The following ROBO2 variants were observed in gnomAD, a reference collection of about 807,000 sequenced individuals.
ROBO2 encodes roundabout guidance receptor 2.
ROBO2 carries 53 observed loss-of-function variants against 160.8 expected under a neutral mutation model. That is an observed-to-expected ratio of 0.33 (90% CI 0.26 to 0.41). The LOEUF is 0.41. ROBO2 is among the 10% of genes least tolerant of loss of function. ROBO2 has a pLI of 1.00. For synonymous variants in ROBO2, 664 were observed against 611.7 expected (o/e 1.09, Z -1.26); for missense variants, 1,577 against 1,722.4 (o/e 0.92, Z 1.49).
chr3:76,705,609 G>A (rs2093144500), intron 2 of ROBO2, among the ~76,000 whole-genome samples: 1 of 152,030 alleles, frequency 6.6e-6, no homozygotes, highest in South Asian at 2.1e-4. Context: ...AAACTAAAAT[G>A]CAAAATATTT....
intron 2 of ROBO2, among the ~76,000 whole-genome samples, chr3:76,660,261 G>T (rs2110040331): frequency 6.6e-6 from 1 of 152,280 alleles, no homozygotes; most frequent in African/African-American, 2.4e-5. Flanking sequence ...ATGTTTGCAA[G>T]AGATTAGAAA....
intron 2 of ROBO2, among the ~76,000 whole-genome samples, chr3:76,315,360 T>C (rs752974452): frequency 6.6e-6 from 1 of 152,238 alleles, no homozygotes; most frequent in Non-Finnish European, 1.5e-5. Flanking sequence ...AGTTATCTAA[T>C]ATATATCTTT....
At position 76,570,761 on chromosome 3, in the gene ROBO2, G is replaced by A. The variant is rs1221049950; in HGVS notation, c.110-527253G>A. Among the ~76,000 whole-genome samples, 7 of 152,238 alleles carry A rather than the reference G, an allele frequency of 4.6e-5. No homozygotes were observed. In the South Asian group the frequency reaches 1.2e-3, roughly 27 times the overall value. On this transcript the variant is annotated intron_variant, in intron 2 of 26. Coordinates refer to the ROBO2 transcript ENST00000487694. ...AACTTGTGCAAGAATCGTCAAAAAT[G>A]TGAATTTTCTGCTCTTTTTACTTAA...
At position 76,028,369 on chromosome 3, in the gene ROBO2, A is replaced by G. The variant is rs142330485; in HGVS notation, c.109+90767A>G. 2.8e-3 allele frequency among the ~76,000 whole-genome samples: 423 copies of G among 152,112 alleles called. 4 individuals carry two copies. Among genetic ancestry groups the G allele is most frequent in the Non-Finnish European group, 4.2e-3 (288 of 67,954 alleles). On this transcript the variant is annotated intron_variant, in intron 2 of 26. Transcript: ENST00000487694. ...ATAATGACAAAAGATGAAGACACTA[A>G]TAAGAGTTATATAACCTTTTTAGTA... is the stretch of plus-strand genomic sequence containing the variant.
chr3:76,180,495 C>T (rs1220174210), intron 2 of ROBO2, among the ~76,000 whole-genome samples: 1 of 152,070 alleles, frequency 6.6e-6, no homozygotes, highest in Non-Finnish European at 1.5e-5. Flanking sequence ...TACCATCTTC[C>T]ATTTTCTCAA....
intron 2 of ROBO2, among the ~76,000 whole-genome samples, chr3:76,342,705 G>C (rs769503959): frequency 6.6e-6 from 1 of 152,050 alleles, no homozygotes; most frequent in Admixed American, 6.6e-5. Flanking sequence ...CTAGAGTATG[G>C]TAGGGAATTT....
intron 5 of ROBO2, among the ~76,000 whole-genome samples, chr3:77,508,596 A>C (rs563995894): frequency 7.4e-4 from 113 of 151,838 alleles, no homozygotes; most frequent in Non-Finnish European, 1.5e-3. Context: ...TGTTAGTGAT[A>C]GGTCAGTGCA....
chr3:77,016,716 GC>G (rs2062286100), intron 2 of ROBO2, among the ~76,000 whole-genome samples: 1 of 152,156 alleles, frequency 6.6e-6, no homozygotes, highest in African/African-American at 2.4e-5. Flanking sequence ...TCACAGAAGA[GC>G]TTTGCCCGAG....
intron 2 of ROBO2, among the ~76,000 whole-genome samples, chr3:77,275,901 C>A (rs979527136): frequency 2.6e-5 from 4 of 152,150 alleles, no homozygotes; most frequent in African/African-American, 9.7e-5. Flanking sequence ...TCCTTGGAAT[C>A]TTTACCTTTG....
At chr3:76,044,556 TTC>T (rs2067386140) in intron 2 of ROBO2, among the ~76,000 whole-genome samples, 2 of 151,884 alleles carry the variant, frequency 1.3e-5, no homozygotes, top group African/African-American at 4.9e-5. Context: ...CATTCATTCA[TTC>T]ATTCATTCAT....
intron 2 of ROBO2, among the ~76,000 whole-genome samples, chr3:77,358,807 C>T (rs2069503912): frequency 6.6e-6 from 1 of 152,102 alleles, no homozygotes; most frequent in East Asian, 1.9e-4. Context: ...TATTAAGTTT[C>T]CTCCAATTCC....
At chr3:76,621,959 G>T (rs1262939110) in intron 2 of ROBO2, among the ~76,000 whole-genome samples, 1 of 151,138 alleles carries the variant, frequency 6.6e-6, no homozygotes, top group East Asian at 1.9e-4. Context: ...TTTCTTGTTT[G>T]GGTTTGACCT....
chr3:76,087,527 T>G (rs1259798454), intron 2 of ROBO2, among the ~76,000 whole-genome samples: 1 of 151,932 alleles, frequency 6.6e-6, no homozygotes, highest in African/African-American at 2.4e-5. Flanking sequence ...AAAAAAAAAG[T>G]TATGTAGAAA....
chr3:77,208,038 C>T (rs941046968), intron 2 of ROBO2, among the ~76,000 whole-genome samples: 1 of 152,152 alleles, frequency 6.6e-6, no homozygotes, highest in Non-Finnish European at 1.5e-5. Context: ...CCTGAGCGCT[C>T]TCCTGTAAAG....
At chr3:77,315,907 T>C (rs921520587) in intron 2 of ROBO2, among the ~76,000 whole-genome samples, 10 of 152,234 alleles carry the variant, frequency 6.6e-5, no homozygotes, top group Middle Eastern at 6.8e-3. Context: ...GAGGTTTCAA[T>C]ATTTTATTCA....
At chr3:76,081,861 C>G (rs549446884) in intron 2 of ROBO2, among the ~76,000 whole-genome samples, 1 of 151,430 alleles carries the variant, frequency 6.6e-6, no homozygotes, top group East Asian at 1.9e-4. Flanking sequence ...CACACACACA[C>G]CAGAAAAACT....
intron 2 of ROBO2, among the ~76,000 whole-genome samples, chr3:77,102,802 A>G (rs1319372582): frequency 6.7e-6 from 1 of 149,128 alleles, no homozygotes; most frequent in Non-Finnish European, 1.5e-5. Flanking sequence ...AGGACCAATC[A>G]TTGCAATGAA....
chr3:77,212,091 G>GT (rs1030696219), intron 2 of ROBO2, among the ~76,000 whole-genome samples: 1 of 152,122 alleles, frequency 6.6e-6, no homozygotes, highest in East Asian at 1.9e-4. Flanking sequence ...CTTGAAAGTA[G>GT]TTTTTTCCAA....
At chr3:76,579,097 G>T (rs948238779) in intron 2 of ROBO2, among the ~76,000 whole-genome samples, 1 of 151,972 alleles carries the variant, frequency 6.6e-6, no homozygotes, top group African/African-American at 2.4e-5. Context: ...CACTAACTTT[G>T]CTCCCTATAT....
Sources: gnomAD v4.1 joint callset for allele counts (sites outside exome capture counted in the v4.1 genomes callset) on GRCh38, gnomAD v4.1.1 for gene constraint, MANE v1.5 for transcripts, NCBI Gene and HGNC (gene_info 2026-07-23, HGNC 2026-07-21) for gene names.